The following KIRREL3 variants were observed in gnomAD, a reference collection of about 807,000 sequenced individuals.
KIRREL3 encodes the protein kin of IRRE-like protein 3.
A neutral mutation model predicts 89.7 loss-of-function variants in KIRREL3; 36 were observed. That is an observed-to-expected ratio of 0.40 (90% CI 0.31 to 0.53). KIRREL3 has a LOEUF of 0.53. Among genes scored for constraint, KIRREL3 ranks in the 20% least tolerant of loss-of-function variants. The pLI, the probability that KIRREL3 is intolerant of heterozygous loss-of-function variation, is 0.49. For synonymous variants in KIRREL3, 445 were observed against 441.4 expected, an observed-to-expected ratio of 1.01 and a Z score of -0.10; for missense variants, 864 against 1,056.6, an observed-to-expected ratio of 0.82 and a Z score of 2.53.
rs1258311912 is a variant in KIRREL3, at chr11:126,764,790, G to A, written c.56-201878C>T. Among the ~76,000 whole-genome samples the A allele has an allele frequency of 2.6e-5, 4 of 152,076 alleles. No individual in the cohort carries two copies. Among genetic ancestry groups the A allele is most frequent in the African/African-American group, 7.2e-5 (3 of 41,398 alleles). On this transcript the variant is annotated intron_variant, in intron 1 of 16. Transcript: ENST00000525144. The surrounding 1 kb of genome is among the most constrained non-coding windows in gnomAD (Gnocchi z 4.2). ...TAAGCCTCCGGGGCCATATAAACGC[G>A]GCTATTTTCACAGTCCAACTTCAGA...
In KIRREL3 at chr11:126,870,577, A is replaced by G. The variant is rs184325410; in HGVS notation, c.55+129878T>C. Among the ~76,000 whole-genome samples the G allele has an allele frequency of 7.2e-5, 11 of 152,268 alleles. No individual in the cohort carries two copies. Among genetic ancestry groups the G allele is most frequent in the Non-Finnish European group, 1.6e-4 (11 of 68,010 alleles). On this transcript the variant is annotated intron_variant, in intron 1 of 16. Coordinates refer to ENST00000525144, the MANE Select transcript of KIRREL3 (RefSeq NM_032531.4). This position sits in a 1 kb window ranked among gnomAD's most constrained non-coding sequence, Gnocchi z 4.4. The stretch of plus-strand genomic sequence containing the variant: ...CATAGTGGCCCCTCCTGGCTCCACC[A>G]TACCCTCACCATGCCAGGCTTGGCA...
Position 126,883,002 on chromosome 11 carries a change from G to C in KIRREL3, c.55+117453C>G, listed in dbSNP as rs764283296. ...CTCTGCCTGCTGAGCCCCTCTGCCA[G>C]TACTCTAACTTCAATGGATGTGCAT... On this transcript the variant is annotated intron_variant, in intron 1 of 16. Transcript: ENST00000525144. This position sits in a 1 kb window ranked among gnomAD's most constrained non-coding sequence, Gnocchi z 4.1. Among the ~76,000 whole-genome samples the C allele has an allele frequency of 1.2e-4, 18 of 152,298 alleles. No individual in the cohort carries two copies. Among genetic ancestry groups the C allele is most frequent in the Non-Finnish European group, 2.4e-4 (16 of 68,034 alleles).
At chr11:126,818,282 C>CAGTGATAAATAAGGCCCATCAATA (rs1185962132) in intron 1 of KIRREL3, among the ~76,000 whole-genome samples, 5 of 152,106 alleles carry the variant, frequency 3.3e-5, no homozygotes, top group African/African-American at 1.2e-4. Context: ...ATCAATAAGG[C>CAGTGATAAATAAGGCCCATCAATA]AAACAGTGAC....
intron 1 of KIRREL3, among the ~76,000 whole-genome samples, chr11:126,621,379 C>T (rs935602859): frequency 6.6e-6 from 1 of 152,094 alleles, no homozygotes; most frequent in African/African-American, 2.4e-5. Flanking sequence ...CCAGGAATTC[C>T]CAAGTTTTTG....
intron 1 of KIRREL3, among the ~76,000 whole-genome samples, chr11:126,836,058 G>GCTCTGCATT (rs1370669381): frequency 4.6e-5 from 7 of 152,182 alleles, no homozygotes; most frequent in African/African-American, 1.7e-4. Context: ...GATGGACAAA[G>GCTCTGCATT]CTCTGCATTC....
At position 126,484,460 on chromosome 11, in the gene KIRREL3, G is replaced by A. The variant is rs959014905; in HGVS notation, c.434-10994C>T. Among the ~76,000 whole-genome samples the A allele has an allele frequency of 1.3e-5, 2 of 152,226 alleles. No individual in the cohort carries two copies. Among genetic ancestry groups the A allele is most frequent in the Non-Finnish European group, 2.9e-5 (2 of 68,042 alleles). ...TATATAAGGTAGATACAATGACGATGCATATTTTGGAGGTGAGGAAACAGC... is the reference window on the plus strand; with the variant it reads ...TATATAAGGTAGATACAATGACGATACATATTTTGGAGGTGAGGAAACAGC... On this transcript the variant is annotated intron_variant, in intron 4 of 16. Transcript: ENST00000525144. This position sits in a 1 kb window ranked among gnomAD's most constrained non-coding sequence, Gnocchi z 5.2.
rs1187216890 is a variant in KIRREL3 at position 126,781,863 on chromosome 11, C to T, written c.55+218592G>A. ...CCTTATTCATTGGTAGAAATAGGGGCCACTTATACGATAGATTTTCAAAGG... is the reference window on the plus strand; with the variant it reads ...CCTTATTCATTGGTAGAAATAGGGGTCACTTATACGATAGATTTTCAAAGG... On this transcript the variant is annotated intron_variant, in intron 1 of 16. Coordinates refer to ENST00000525144, the MANE Select transcript of KIRREL3 (RefSeq NM_032531.4). 3.3e-5 allele frequency among the ~76,000 whole-genome samples: 5 copies of T among 152,090 alleles called. No individual in the cohort carries two copies. In the East Asian group the frequency reaches 9.6e-4, roughly 29 times the overall value.
rs1176996943 is a variant in KIRREL3 at position 126,566,110 on chromosome 11, C to T, written c.56-3198G>A. 1.3e-5 allele frequency among the ~76,000 whole-genome samples: 2 copies of T among 149,350 alleles called. No homozygotes were observed. The highest frequency in any genetic ancestry group is 5.0e-5 in the African/African-American group (2 of 39,758). On this transcript the variant is annotated intron_variant, in intron 1 of 16. Transcript: ENST00000525144. This position sits in a 1 kb window ranked among gnomAD's most constrained non-coding sequence, Gnocchi z 4.9. ...TCTTTGGCTTTATCAGTAGCAGAAA[C>T]ACCCAGATACTCTAAAGCTGGCTAT...
Position 126,883,576 on chromosome 11 carries a change from CT to C in KIRREL3, c.55+116878del, listed in dbSNP as rs1485305358. Among the ~76,000 whole-genome samples the C allele has an allele frequency of 1.4e-4, 22 of 152,098 alleles. No homozygotes were observed. On this transcript the variant is annotated intron_variant, in intron 1 of 16. Transcript: ENST00000525144. The surrounding 1 kb of genome is among the most constrained non-coding windows in gnomAD (Gnocchi z 4.1). The stretch of plus-strand genomic sequence containing the variant: ...GATGAAGTTTGGGTAAAGTCACTTT[CT>C]GCAGTGGAGAATGCTCCAGGAAGAA...
At chr11:126,453,283 T>C (rs1051323164) in intron 7 of KIRREL3, among the ~76,000 whole-genome samples, 1 of 152,090 alleles carries the variant, frequency 6.6e-6, no homozygotes, top group African/African-American at 2.4e-5. Flanking sequence ...CGCTATCTGC[T>C]GGGGAACACT....
rs1951187325 is a variant in KIRREL3 at position 126,805,851 on chromosome 11, G to A, written c.55+194604C>T. Among the ~76,000 whole-genome samples the A allele has an allele frequency of 6.6e-6, 1 of 152,136 alleles. No homozygotes were observed. Among genetic ancestry groups the A allele is most frequent in the African/African-American group, 2.4e-5 (1 of 41,438 alleles). ...CATCCAAGTTCCCACTCAGCCCCCA[G>A]CAGACCAGAGAGTCAAACCCAACCC... On this transcript the variant is annotated intron_variant, in intron 1 of 16. Transcript: ENST00000525144. This position sits in a 1 kb window ranked among gnomAD's most constrained non-coding sequence, Gnocchi z 4.3.
At position 126,987,427 on chromosome 11, in the gene KIRREL3, C is replaced by T. The variant is rs1245657225; in HGVS notation, c.55+13028G>A. Reference sequence around the variant, plus strand: ...GATAATAAGAGTGAAAGGTAGATTTCCTGTTATTTTCACAGACAAACAGGA... The same window carrying T: ...GATAATAAGAGTGAAAGGTAGATTTTCTGTTATTTTCACAGACAAACAGGA... On this transcript the variant is annotated intron_variant, in intron 1 of 16. Transcript: ENST00000525144. This position sits in a 1 kb window ranked among gnomAD's most constrained non-coding sequence, Gnocchi z 4.6. Among the ~76,000 whole-genome samples, 1 of 152,182 alleles carries T rather than the reference C, an allele frequency of 6.6e-6. No homozygotes were observed. The highest frequency in any genetic ancestry group is 1.5e-5 in the Non-Finnish European group (1 of 68,036).
chr11:126,521,982 G>A lies in KIRREL3; in HGVS notation c.284-518C>T, dbSNP rs537806381. On this transcript the variant is annotated intron_variant, in intron 3 of 16. Coordinates refer to ENST00000525144, the MANE Select transcript of KIRREL3 (RefSeq NM_032531.4). This position sits in a 1 kb window ranked among gnomAD's most constrained non-coding sequence, Gnocchi z 4.1. ...TGGTCTTGAACTCCTGGACTTAGGC[G>A]GTTCTCCCTCCTCAACCTCCCAAAG... 2.6e-5 allele frequency among the ~76,000 whole-genome samples: 4 copies of A among 152,134 alleles called. No homozygotes were observed. The East Asian group carries it at 7.7e-4, about 29-fold the overall frequency.
chr11:126,702,792 A>G (rs534886692), intron 1 of KIRREL3, among the ~76,000 whole-genome samples: 2 of 152,236 alleles, frequency 1.3e-5, no homozygotes, highest in East Asian at 3.9e-4. Flanking sequence ...TGCTCTGCAG[A>G]GAGTGTGTGT....
At chr11:126,573,609 A>G (rs1941092631) in intron 1 of KIRREL3, among the ~76,000 whole-genome samples, 1 of 152,198 alleles carries the variant, frequency 6.6e-6, no homozygotes, top group South Asian at 2.1e-4. Flanking sequence ...GCTGTATCCT[A>G]TAATTAAATT....
chr11:126,923,165 TTCTTCTTCTTC>T (rs1947452770), intron 1 of KIRREL3, among the ~76,000 whole-genome samples: 2 of 24,498 alleles, frequency 8.2e-5, no homozygotes, highest in African/African-American at 2.4e-4. Flanking sequence ...CTTCTTCTTC[TTCTTCTTCTTC>T]TCTTCTTCTT....
intron 2 of KIRREL3, among the ~76,000 whole-genome samples, chr11:126,556,232 G>A (rs984948375): frequency 1.3e-5 from 2 of 152,128 alleles, no homozygotes; most frequent in African/African-American, 4.8e-5. Context: ...TGGGGACAGG[G>A]TCTAGGGTGG....
In KIRREL3 at chr11:126,498,870, AAAG is replaced by A. The variant is rs1209615892; in HGVS notation, c.433+22442_433+22444del. 2.0e-5 allele frequency among the ~76,000 whole-genome samples: 3 copies of A among 152,238 alleles called. No individual in the cohort carries two copies. Among genetic ancestry groups the A allele is most frequent in the African/African-American group, 2.4e-5 (1 of 41,458 alleles). ...GACGCACGGAAACTTCTGGATCATT[AAAG>A]AAGCTGTGTGGGCCAGGTGCAGTGG... On this transcript the variant is annotated intron_variant, in intron 4 of 16. Coordinates refer to ENST00000525144, the MANE Select transcript of KIRREL3 (RefSeq NM_032531.4). This position sits in a 1 kb window ranked among gnomAD's most constrained non-coding sequence, Gnocchi z 4.3.
At position 126,429,492 on chromosome 11, in the gene KIRREL3, C is replaced by A. The variant is rs1473882965; in HGVS notation, c.1697-204G>T. On this transcript the variant is annotated intron_variant, in intron 14 of 16. Transcript: ENST00000525144. This position sits in a 1 kb window ranked among gnomAD's most constrained non-coding sequence, Gnocchi z 5.2. The stretch of plus-strand genomic sequence containing the variant: ...GTTTGGGCCTCAGAGGAGGCTGACC[C>A]CATGGCCGGCCTGCCTCCTGTCACA... 6.6e-6 allele frequency among the ~76,000 whole-genome samples: 1 copy of A among 152,194 alleles called. No individual in the cohort carries two copies. Among genetic ancestry groups the A allele is most frequent in the East Asian group, 1.9e-4 (1 of 5,182 alleles).
Sources: allele counts gnomAD v4.1 joint callset (sites outside exome capture counted in the v4.1 genomes callset), GRCh38; gene constraint gnomAD v4.1.1; non-coding constraint Gnocchi (gnomAD v3.1); transcripts MANE v1.5; gene names NCBI Gene and HGNC (gene_info 2026-07-23, HGNC 2026-07-21).